Variants in COL8A2 observed in about 807,000 individuals in gnomAD.
The protein encoded by COL8A2 is collagen type VIII alpha 2 chain, also known as collagen alpha-2(VIII) chain.
A neutral mutation model predicts 24.0 loss-of-function variants in COL8A2; 16 were observed. The ratio of observed to expected loss-of-function variants is 0.67; its 90% CI spans 0.45 to 1.01. The LOEUF is 1.01. Among genes scored for constraint, COL8A2 ranks in the 50% least tolerant of loss-of-function variants. The pLI is 0.00. For synonymous variants in COL8A2, 466 were observed against 424.5 expected (o/e 1.10, Z -1.20); for missense variants, 818 against 942.4 (o/e 0.87, Z 1.73).
intron 2 of COL8A2, among the ~76,000 whole-genome samples, chr1:36,113,636 G>T (rs1412088646): frequency 6.6e-6 from 1 of 152,260 alleles, no homozygotes; most frequent in Non-Finnish European, 1.5e-5. Flanking sequence ...CTGGGAGCTG[G>T]AGGGTGGAGG....
At chr1:36,100,372 G>T (rs986207071) in intron 2 of COL8A2, 114 bp from the exon 3 acceptor site, 2 of 984,224 alleles carry the variant, frequency 2.0e-6, no homozygotes, top group African/African-American at 1.6e-5. Flanking sequence ...CAGTCAAAAG[G>T]CTGAGAAGCA....
At chr1:36,113,268 T>A (rs548521399) in intron 2 of COL8A2, among the ~76,000 whole-genome samples, 17 of 152,310 alleles carry the variant, frequency 1.1e-4, no homozygotes, top group African/African-American at 3.8e-4. Context: ...GACATCTCTG[T>A]CTCTGTGCGT....
chr1:36,100,144 A>G lies in COL8A2; in HGVS notation c.99T>C (p.Gly33=). ...GPRASSGGGA[G]GAAGYAPVKY... is the part of the protein sequence containing the mutation. The stretch of plus-strand genomic sequence containing the variant: ...TCACTGGGGCATAGCCCGCCGCCCC[A>G]CCGGCCCCGCCACCAGAGGACGCCC... Residue 33 remains glycine (G), a synonymous_variant, in exon 3 of 4, where the codon GGT becomes GGC. Coordinates refer to ENST00000397799, the MANE Select transcript of COL8A2 (RefSeq NM_005202.4). 1.2e-6 allele frequency: 2 copies of G among 1,612,238 alleles called. No individual in the cohort carries two copies. Among genetic ancestry groups the G allele is most frequent in the African/African-American group, 1.3e-5 (1 of 74,956 alleles).
In COL8A2 at chr1:36,097,766, T is replaced by G; in HGVS notation, c.1915A>C (p.Lys639Gln). ...GTATAGGTGGCCGGCACGTTGTTCT[T>G]GTACAGGGCCACCCACACGTTGGTG... ...KGTNVWVALYKNNVPATYTYD... is the reference protein window; with the variant it reads ...KGTNVWVALYQNNVPATYTYD... Residue 639 changes from lysine (K) to glutamine (Q), a missense_variant, in exon 4 of 4, where the codon AAG becomes CAG. By Grantham distance (53) the Lys-to-Gln change is moderately conservative. This residue lies in a region of COL8A2 where 235 missense variants were observed against 297.3 expected (regional missense o/e 0.79). Coordinates refer to ENST00000397799, the MANE Select transcript of COL8A2 (RefSeq NM_005202.4). 1 of 1,613,840 alleles carries G rather than the reference T, an allele frequency of 6.2e-7. No individual in the cohort carries two copies. The highest frequency in any genetic ancestry group is 1.3e-5 in the African/African-American group (1 of 75,064).
intron 2 of COL8A2, among the ~76,000 whole-genome samples, chr1:36,103,640 A>G (rs1245276981): frequency 6.7e-6 from 1 of 149,362 alleles, no homozygotes; most frequent in Non-Finnish European, 1.5e-5. Context: ...AGTGCAATGA[A>G]TGGCACAATC....
chr1:36,119,249 G>C (rs1334455697), intron 1 of COL8A2, among the ~76,000 whole-genome samples: 2 of 152,194 alleles, frequency 1.3e-5, no homozygotes, highest in Non-Finnish European at 2.9e-5. Flanking sequence ...AACGGACTCA[G>C]AGCAGTGCTT....
rs755933908 is a variant in COL8A2 at position 36,100,130 on chromosome 1, T to G, written c.113A>C (p.Tyr38Ser). 5 of 1,612,670 alleles carry G rather than the reference T, an allele frequency of 3.1e-6. No individual in the cohort carries two copies. The highest frequency in any genetic ancestry group is 1.7e-5 in the Admixed American group (1 of 59,954). Residue 38 changes from tyrosine to serine, a missense_variant, in exon 3 of 4, where the codon TAT becomes TCT. Tyr to Ser is a moderately radical substitution (Grantham distance 144). Transcript: ENST00000397799. Reference sequence around the variant, plus strand: ...GGGCTGGATGTACTTCACTGGGGCATAGCCCGCCGCCCCACCGGCCCCGCC... The same window carrying G: ...GGGCTGGATGTACTTCACTGGGGCAGAGCCCGCCGCCCCACCGGCCCCGCC... ...SGGGAGGAAG[Y>S]APVKYIQPMQ...
chr1:36,109,322 C>T (rs1283992359), intron 2 of COL8A2, among the ~76,000 whole-genome samples: 2 of 152,226 alleles, frequency 1.3e-5, no homozygotes, highest in Non-Finnish European at 1.5e-5. Flanking sequence ...CCTGACTCCT[C>T]TCTCCCCTCC....
At position 36,099,362 on chromosome 1, in the gene COL8A2, G is replaced by A. The variant is rs1190206944; in HGVS notation, c.319C>T (p.Leu107Phe). 2.1e-5 allele frequency: 33 copies of A among 1,579,200 alleles called. No individual in the cohort carries two copies. Among genetic ancestry groups the A allele is most frequent in the Non-Finnish European group, 2.7e-5 (32 of 1,166,012 alleles). The change falls in exon 4 of 4, where the codon CTC (leucine) becomes TTC (phenylalanine). Residue 107 changes from leucine to phenylalanine, a missense_variant. Physicochemically the swap from Leu to Phe is conservative, Grantham distance 22. Around this residue, in one of 3 missense-constraint regions of COL8A2, gnomAD observed 573 missense variants for 616.8 expected, o/e 0.93. Coordinates refer to ENST00000397799, the MANE Select transcript of COL8A2 (RefSeq NM_005202.4). ...CCAGCAGGGCCAGGCTGCCCATGGA[G>A]TCCTGGCTTTCCCATGCCTGGTTTT... ...PGKPGMGKPG[L>F]HGQPGPAGPP...
rs1336518767 is a variant in COL8A2 at position 36,100,262 on chromosome 1, C to T, written c.-16-4G>A. Reference sequence around the variant, plus strand: ...CAGCATGGCGTCCGTGGACGTGCTGCAAAGAAGAACAGAGAAAGTCATCAA... The same window carrying T: ...CAGCATGGCGTCCGTGGACGTGCTGTAAAGAAGAACAGAGAAAGTCATCAA... On this transcript the variant is annotated splice_polypyrimidine_tract_variant and splice_region_variant and intron_variant, in intron 2 of 3. Transcript: ENST00000397799. 1.3e-6 allele frequency: 2 copies of T among 1,541,598 alleles called. No homozygotes were observed. The highest frequency in any genetic ancestry group is 1.7e-6 in the Non-Finnish European group (2 of 1,147,602).
At chr1:36,100,967 C>T (rs925177124) in intron 2 of COL8A2, among the ~76,000 whole-genome samples, 2 of 141,636 alleles carry the variant, frequency 1.4e-5, no homozygotes, top group South Asian at 2.3e-4. Flanking sequence ...CATCCTGGCT[C>T]ACTGCAAAAT....
intron 1 of COL8A2, among the ~76,000 whole-genome samples, chr1:36,119,039 A>G (rs548780616): frequency 5.9e-4 from 90 of 152,298 alleles, no homozygotes; most frequent in Middle Eastern, 3.4e-3. Flanking sequence ...TTACTCCCGT[A>G]ACCCTGGAAG....
rs1290003012 is a variant in COL8A2 at position 36,096,547 on chromosome 1, C to G, written c.*1022G>C. 1 of 152,214 alleles carries G rather than the reference C, an allele frequency of 6.6e-6. No homozygotes were observed. The highest frequency in any genetic ancestry group is 1.5e-5 in the Non-Finnish European group (1 of 68,064). 9.4% of individuals were successfully genotyped at this position (152,214 alleles called of 1,614,324 possible). The stretch of plus-strand genomic sequence containing the variant: ...AGTGGGAGCCGTCTTCATCCCCCAG[C>G]TCGCGTGCACCTTGTTCAGAGGGCC... On this transcript the variant is annotated 3_prime_UTR_variant, in exon 4 of 4. Coordinates refer to ENST00000397799, the MANE Select transcript of COL8A2 (RefSeq NM_005202.4).
chr1:36,098,001 G>GC lies in COL8A2; in HGVS notation c.1679dup (p.Lys561GlnfsTer35). ...GCTCGCCCAGCCCAAACTGTGGCTT[G>GC]CCCCCCTTGCCCAGCACGGCACCCT... On this transcript the variant is annotated frameshift_variant, in exon 4 of 4. Transcript: ENST00000397799. LOFTEE classifies it high-confidence loss of function. 1 of 1,591,494 alleles carries GC rather than the reference G, an allele frequency of 6.3e-7. No individual in the cohort carries two copies. The highest frequency in any genetic ancestry group is 8.5e-7 in the Non-Finnish European group (1 of 1,174,140).
chr1:36,109,008 G>A (rs1444821407), intron 2 of COL8A2, among the ~76,000 whole-genome samples: 1 of 152,154 alleles, frequency 6.6e-6, no homozygotes, highest in Admixed American at 6.5e-5. Context: ...CAGGACCCCA[G>A]GCACCCGCTA....
rs1404157594 is a variant in COL8A2, at chr1:36,098,448, C to T, written c.1233G>A (p.Arg411=). The T allele has an allele frequency of 6.3e-7, 1 of 1,585,776 alleles. No homozygotes were observed. ...GGGGTCCATGGGCCCCAGGAAGTCC[C>T]CTCTCACCTGGGACCCCTGGTTTCC... ...LAGKPGVPGE[R]GLPGAHGPPG... is the part of the protein sequence containing the mutation. Residue 411 remains arginine (R), a synonymous_variant, in exon 4 of 4, where the codon AGG becomes AGA. Transcript: ENST00000397799.
At chr1:36,109,419 T>G (rs1224521093) in intron 2 of COL8A2, among the ~76,000 whole-genome samples, 1 of 152,034 alleles carries the variant, frequency 6.6e-6, no homozygotes, top group Non-Finnish European at 1.5e-5. Flanking sequence ...CCCTGAGACC[T>G]CTAAGGCCCT....
chr1:36,114,354 G>T (rs1046106683), intron 2 of COL8A2, among the ~76,000 whole-genome samples: 1 of 151,792 alleles, frequency 6.6e-6, no homozygotes, highest in Non-Finnish European at 1.5e-5. Flanking sequence ...TCGTTGGCGG[G>T]GTTGCTGCAG....
Position 36,098,724 on chromosome 1 carries a change from T to A in COL8A2, c.957A>T (p.Gly319=), listed in dbSNP as rs1203511860. The change falls in exon 4 of 4, where the codon GGA becomes GGT. Residue 319 remains glycine, a synonymous_variant. Transcript: ENST00000397799. ...CCCTGTCCCCCTTGGGGCCTGGCAG[T>A]CCTGGCATCCCATAGCCAGTGGGGC... is the stretch of plus-strand genomic sequence containing the variant. ...LIGPTGYGMP[G]LPGPKGDRGP... 1 of 1,610,656 alleles carries A rather than the reference T, an allele frequency of 6.2e-7. No individual in the cohort carries two copies. Among genetic ancestry groups the A allele is most frequent in the African/African-American group, 1.3e-5 (1 of 74,872 alleles).
Sources: gnomAD v4.1 joint callset for allele counts (sites outside exome capture counted in the v4.1 genomes callset) on GRCh38, gnomAD v4.1.1 for gene constraint, gnomAD v4.1.1 regional missense constraint, MANE v1.5 for transcripts, NCBI Gene and HGNC (gene_info 2026-07-23, HGNC 2026-07-21) for gene names.